The following PCDH9 variants were observed in gnomAD, a reference collection of about 807,000 sequenced individuals.
PCDH9 encodes protocadherin 9.
PCDH9 carries 24 observed loss-of-function variants against 70.6 expected under a neutral mutation model. That is an observed-to-expected ratio of 0.34 (90% CI 0.25 to 0.48). The LOEUF is 0.48. Ranked by LOEUF, PCDH9 falls within the 20% of genes least tolerant of loss-of-function variation. The pLI is 0.99. For synonymous variants in PCDH9, 562 were observed against 558.5 expected, an observed-to-expected ratio of 1.01 and a Z score of -0.09; for missense variants, 1,281 against 1,503.6, an observed-to-expected ratio of 0.85 and a Z score of 2.45.
chr13:67,014,788 C>T (rs1210189921), intron 2 of PCDH9, among the ~76,000 whole-genome samples: 1 of 152,072 alleles, frequency 6.6e-6, no homozygotes, highest in African/African-American at 2.4e-5. Flanking sequence ...TGCCTCCATC[C>T]ACCATTTCTG....
intron 3 of PCDH9, among the ~76,000 whole-genome samples, chr13:66,640,968 C>T (rs563696946): frequency 4.6e-5 from 7 of 152,126 alleles, no homozygotes; most frequent in East Asian, 1.9e-4. Flanking sequence ...CTCTGCCTCC[C>T]GGGTTCGAGC....
chr13:66,951,712 A>G (rs943895882), intron 2 of PCDH9, among the ~76,000 whole-genome samples: 1 of 152,172 alleles, frequency 6.6e-6, no homozygotes. Context: ...GTCAGATTTG[A>G]TGGTGCTATC....
chr13:66,882,901 C>T (rs1179976386), intron 3 of PCDH9, among the ~76,000 whole-genome samples: 1 of 152,182 alleles, frequency 6.6e-6, no homozygotes, highest in Non-Finnish European at 1.5e-5. Context: ...GTGAAGTCCT[C>T]CACATTTCTT....
intron 3 of PCDH9, among the ~76,000 whole-genome samples, chr13:66,842,114 C>T (rs1364698187): frequency 3.3e-5 from 5 of 152,106 alleles, no homozygotes; most frequent in African/African-American, 9.7e-5. Flanking sequence ...CAATATGATA[C>T]TTTACTAACA....
chr13:66,526,026 A>G (rs937333981), intron 4 of PCDH9, among the ~76,000 whole-genome samples: 5 of 152,054 alleles, frequency 3.3e-5, no homozygotes, highest in South Asian at 2.1e-4. Context: ...GATTCCCCCA[A>G]TAGAAGGAAC....
chr13:66,827,144 C>T (rs1486859045), intron 3 of PCDH9, among the ~76,000 whole-genome samples: 1 of 151,914 alleles, frequency 6.6e-6, no homozygotes. Flanking sequence ...AAGGGGTCAA[C>T]AGCTAAGGAT....
chr13:66,862,323 T>C (rs554652704), intron 3 of PCDH9, among the ~76,000 whole-genome samples: 2 of 152,330 alleles, frequency 1.3e-5, no homozygotes, highest in East Asian at 3.9e-4. Flanking sequence ...GCAAAGCATC[T>C]ACTCGTGGCA....
At chr13:67,170,789 G>A (rs769291282) in intron 2 of PCDH9, among the ~76,000 whole-genome samples, 52 of 152,210 alleles carry the variant, frequency 3.4e-4, no homozygotes, top group Non-Finnish European at 5.9e-4. Flanking sequence ...GCTGGGCCTG[G>A]TGGTGCACTC....
intron 4 of PCDH9, among the ~76,000 whole-genome samples, chr13:66,585,252 A>T (rs1447162957): frequency 6.6e-6 from 1 of 152,148 alleles, no homozygotes; most frequent in Non-Finnish European, 1.5e-5. Context: ...CCTGTATGAG[A>T]CACATAAAAA....
chr13:66,470,157 A>C (rs1213796049), intron 4 of PCDH9, among the ~76,000 whole-genome samples: 10 of 152,298 alleles, frequency 6.6e-5, no homozygotes, highest in African/African-American at 2.4e-4. Flanking sequence ...TTGCTTTCGT[A>C]ATTAAAACAA....
At chr13:66,435,044 G>A (rs1353171634) in intron 4 of PCDH9, among the ~76,000 whole-genome samples, 1 of 152,038 alleles carries the variant, frequency 6.6e-6, no homozygotes. Flanking sequence ...AATCAAGGAA[G>A]GCATTCCAAG....
chr13:66,482,467 C>T (rs1958859610), intron 4 of PCDH9, among the ~76,000 whole-genome samples: 1 of 152,130 alleles, frequency 6.6e-6, no homozygotes, highest in Admixed American at 6.5e-5. Context: ...GGTCACTCTA[C>T]CACCCTTAGC....
chr13:66,752,890 G>A (rs1037904492), intron 3 of PCDH9, among the ~76,000 whole-genome samples: 8 of 152,160 alleles, frequency 5.3e-5, no homozygotes, highest in Admixed American at 5.2e-4. Flanking sequence ...AGGGAAAGCT[G>A]TGGGAAGAAC....
chr13:66,600,910 C>A (rs376446659), intron 4 of PCDH9, among the ~76,000 whole-genome samples: 6 of 144,468 alleles, frequency 4.2e-5, no homozygotes, highest in African/African-American at 1.5e-4. Context: ...GAACACTTAA[C>A]CTTAAATTTT....
At chr13:67,038,407 CATAAATACCAT>C (rs1356352523) in intron 2 of PCDH9, among the ~76,000 whole-genome samples, 1 of 152,034 alleles carries the variant, frequency 6.6e-6, no homozygotes, top group Non-Finnish European at 1.5e-5. Context: ...TGATGACAAA[CATAAATACCAT>C]ATAAATACAG....
intron 3 of PCDH9, among the ~76,000 whole-genome samples, chr13:66,902,210 A>G (rs950901249): frequency 6.6e-6 from 1 of 151,672 alleles, no homozygotes. Context: ...AAAATATAAA[A>G]AAGTATATAT....
intron 4 of PCDH9, 33 bp downstream of exon 4, chr13:66,631,177 C>T (rs754354582): frequency 8.9e-7 from 1 of 1,126,838 alleles, no homozygotes; most frequent in Non-Finnish European, 1.4e-6. Flanking sequence ...ACCAGAACAA[C>T]TCCAAGCAAT....
chr13:66,319,649 A>G (rs1955717716), intron 4 of PCDH9, among the ~76,000 whole-genome samples: 1 of 152,052 alleles, frequency 6.6e-6, no homozygotes, highest in South Asian at 2.1e-4. Context: ...CATTACCCCT[A>G]GGCCTGAAGG....
intron 3 of PCDH9, among the ~76,000 whole-genome samples, chr13:66,746,532 G>C (rs1186509089): frequency 6.6e-6 from 1 of 152,000 alleles, no homozygotes; most frequent in East Asian, 1.9e-4. Context: ...AATCAAAAGA[G>C]AATAAGTCAT....
Sources: allele counts gnomAD v4.1 joint callset (sites outside exome capture counted in the v4.1 genomes callset), GRCh38; gene constraint gnomAD v4.1.1; transcripts MANE v1.5; gene names NCBI Gene and HGNC (gene_info 2026-07-23, HGNC 2026-07-21).